Variants in IL1RAPL1 observed in about 807,000 individuals in gnomAD.
The protein encoded by IL1RAPL1 is interleukin-1 receptor accessory protein-like 1.
Under a neutral mutation model 48.4 loss-of-function variants are expected in IL1RAPL1, and 3 were observed. That is an observed-to-expected ratio of 0.06 (90% CI 0.03 to 0.16). IL1RAPL1 has a LOEUF of 0.16. IL1RAPL1 is among the 10% of genes least tolerant of loss of function. The pLI is 1.00. For synonymous variants in IL1RAPL1, 185 were observed against 187.7 expected (o/e 0.99, Z 0.12); for missense variants, 349 against 530.6 (o/e 0.66, Z 3.36).
chrX:29,453,841 A>G (rs1313172328), intron 5 of IL1RAPL1, among the ~76,000 whole-genome samples: 2 of 112,570 alleles, frequency 1.8e-5, no homozygotes, highest in Admixed American at 9.4e-5. Flanking sequence ...TATTTCAACT[A>G]TAAAACATTT....
At chrX:29,802,747 T>TTA (rs1210417673) in intron 6 of IL1RAPL1, among the ~76,000 whole-genome samples, 1,850 of 36,089 alleles carry the variant, frequency 0.051, 43 homozygotes, top group Non-Finnish European at 0.073. Flanking sequence ...GAGGAAAAAA[T>TTA]TATATATATA....
At chrX:28,771,284 G>A (rs899508050) in intron 1 of IL1RAPL1, among the ~76,000 whole-genome samples, 2 of 111,929 alleles carry the variant, frequency 1.8e-5, no homozygotes, top group Non-Finnish European at 1.9e-5. Context: ...TTTTCTCTGT[G>A]TTACTTAATT....
chrX:29,803,569 G>A (rs1930171749), intron 6 of IL1RAPL1, among the ~76,000 whole-genome samples: 1 of 98,880 alleles, frequency 1.0e-5, no homozygotes, highest in African/African-American at 3.7e-5. Flanking sequence ...ATGTATATAT[G>A]TATACATATA....
chrX:28,633,242 A>G lies in IL1RAPL1; in HGVS notation c.-25+45195A>G, dbSNP rs757943744. Among the ~76,000 whole-genome samples, 6 of 111,324 alleles carry G rather than the reference A, an allele frequency of 5.4e-5. No homozygotes were observed. In the South Asian group the frequency reaches 2.3e-3, roughly 43 times the overall value. ...CAAAAAAGGCAAATAGCATTTTGGTATTATTATGAAAATAGTACAGACTTT... is the reference window on the plus strand; with the variant it reads ...CAAAAAAGGCAAATAGCATTTTGGTGTTATTATGAAAATAGTACAGACTTT... On this transcript the variant is annotated intron_variant, in intron 1 of 10. Transcript: ENST00000378993.
At chrX:29,194,869 C>CT (rs72427227) in intron 2 of IL1RAPL1, among the ~76,000 whole-genome samples, 4,404 of 105,003 alleles carry the variant, frequency 0.042, 81 homozygotes, top group Middle Eastern at 0.074. Flanking sequence ...ATTGTCATTA[C>CT]TTTTTTTTTT....
intron 9 of IL1RAPL1, among the ~76,000 whole-genome samples, chrX:29,947,386 C>T (rs1034041524): frequency 9.0e-6 from 1 of 111,122 alleles, no homozygotes; most frequent in Non-Finnish European, 1.9e-5. Flanking sequence ...CATGCTTACT[C>T]ATAATGACGC....
rs1399922335 is a variant in IL1RAPL1 at position 29,954,574 on chromosome X, G to C, written c.1254G>C (p.Gln418His). The change falls in exon 10 of 11, where the codon CAG (glutamine) becomes CAC (histidine). Residue 418 changes from glutamine to histidine, a missense_variant. Physicochemically the swap from Gln to His is conservative, Grantham distance 24. Coordinates refer to ENST00000378993, the MANE Select transcript of IL1RAPL1 (RefSeq NM_014271.4). ...CATACACCAAAGTGGATCCTGACCA[G>C]TGGAATCAAGAGACTGGGGAAGAAG... is the stretch of plus-strand genomic sequence containing the variant. ...YLSYTKVDPD[Q>H]WNQETGEEER... The C allele has an allele frequency of 8.3e-7, 1 of 1,205,087 alleles. No individual in the cohort carries two copies. The highest frequency in any genetic ancestry group is 3.0e-5 in the East Asian group (1 of 33,782).
intron 3 of IL1RAPL1, among the ~76,000 whole-genome samples, chrX:29,336,925 A>G (rs1933004407): frequency 9.0e-6 from 1 of 110,950 alleles, no homozygotes; most frequent in Non-Finnish European, 1.9e-5. Flanking sequence ...TCTAGTTTCT[A>G]TGACTTACCT....
chrX:28,805,068 G>T (rs1425580504), intron 2 of IL1RAPL1, among the ~76,000 whole-genome samples: 2 of 110,730 alleles, frequency 1.8e-5, no homozygotes, highest in African/African-American at 6.6e-5. Flanking sequence ...AGCTTAGTAG[G>T]AATAACCTGA....
At chrX:29,311,568 G>A (rs1932724653) in intron 3 of IL1RAPL1, among the ~76,000 whole-genome samples, 1 of 111,962 alleles carries the variant, frequency 8.9e-6, no homozygotes, top group South Asian at 3.7e-4. Flanking sequence ...ATCTGTGGCT[G>A]TTAAGCACCT....
intron 2 of IL1RAPL1, among the ~76,000 whole-genome samples, chrX:29,032,729 G>A (rs1273236406): frequency 7.1e-5 from 7 of 98,140 alleles, no homozygotes; most frequent in Admixed American, 3.6e-4. Flanking sequence ...ATGAGCGTGC[G>A]CTCACGTGGG....
intron 3 of IL1RAPL1, among the ~76,000 whole-genome samples, chrX:29,381,836 ATAT>A (rs1569299181): frequency 5.4e-4 from 15 of 27,764 alleles, no homozygotes; most frequent in African/African-American, 1.3e-3. Context: ...AAAAAAAAAT[ATAT>A]ATATATATAT....
At chrX:29,622,597 C>A (rs1254589126) in intron 5 of IL1RAPL1, among the ~76,000 whole-genome samples, 1 of 111,798 alleles carries the variant, frequency 8.9e-6, no homozygotes, top group African/African-American at 3.3e-5. Context: ...CAGTTCCAGT[C>A]CCATTCCTTC....
At chrX:29,247,473 G>A (rs1196731990) in intron 2 of IL1RAPL1, among the ~76,000 whole-genome samples, 1 of 111,319 alleles carries the variant, frequency 9.0e-6, no homozygotes, top group Non-Finnish European at 1.9e-5. Flanking sequence ...GTCAATAGTG[G>A]CAAAAAGTGA....
chrX:28,821,430 G>C (rs1936936305), intron 2 of IL1RAPL1, among the ~76,000 whole-genome samples: 1 of 110,124 alleles, frequency 9.1e-6, no homozygotes, highest in Non-Finnish European at 1.9e-5. Flanking sequence ...TGTAGTTCCA[G>C]TAACAGTATG....
chrX:29,416,255 A>G (rs781203032), intron 5 of IL1RAPL1, among the ~76,000 whole-genome samples: 1 of 111,549 alleles, frequency 9.0e-6, no homozygotes, highest in African/African-American at 3.3e-5. Context: ...GGATTTTAAA[A>G]AACTCTGGGC....
intron 2 of IL1RAPL1, among the ~76,000 whole-genome samples, chrX:29,051,240 G>A (rs1356713532): frequency 9.0e-6 from 1 of 111,707 alleles, no homozygotes; most frequent in Non-Finnish European, 1.9e-5. Flanking sequence ...GAAAATAAAA[G>A]CGTTATGAGA....
intron 1 of IL1RAPL1, among the ~76,000 whole-genome samples, chrX:28,604,632 C>A (rs1451590565): frequency 9.9e-6 from 1 of 101,266 alleles, no homozygotes; most frequent in Non-Finnish European, 2.0e-5. Context: ...GAGGCTGAGG[C>A]AGGAGAATCA....
At chrX:29,908,693 A>T (rs1461485650) in intron 6 of IL1RAPL1, among the ~76,000 whole-genome samples, 1 of 112,180 alleles carries the variant, frequency 8.9e-6, no homozygotes, top group Non-Finnish European at 1.9e-5. Flanking sequence ...TTATATCAAA[A>T]GGACAAATTT....
Sources: gnomAD v4.1 joint callset for allele counts (sites outside exome capture counted in the v4.1 genomes callset) on GRCh38, gnomAD v4.1.1 for gene constraint, MANE v1.5 for transcripts, NCBI Gene and HGNC (gene_info 2026-07-23, HGNC 2026-07-21) for gene names.